Variants in ABCA9 observed in about 807,000 individuals in gnomAD.
The protein encoded by ABCA9 is ATP-binding cassette sub-family A member 9.
Under a neutral mutation model 205.3 loss-of-function variants are expected in ABCA9, and 183 were observed. That is an observed-to-expected ratio of 0.89 (90% CI 0.79 to 1.01). ABCA9 has a LOEUF of 1.01. ABCA9 is among the 50% of genes least tolerant of loss of function. ABCA9 has a pLI of 0.00. For synonymous variants in ABCA9, 651 were observed against 683.3 expected (o/e 0.95, Z 0.74); for missense variants, 1,805 against 1,912.4 (o/e 0.94, Z 1.05).
chr17:68,977,795 A>G (rs979563803), intron 37 of ABCA9, among the ~76,000 whole-genome samples: 4 of 152,188 alleles, frequency 2.6e-5, no homozygotes, highest in Admixed American at 6.5e-5. Flanking sequence ...ACATCTCCAC[A>G]TTTTGTACTT....
chr17:68,988,010 T>C (rs1245202455), intron 31 of ABCA9, among the ~76,000 whole-genome samples: 1 of 152,158 alleles, frequency 6.6e-6, no homozygotes, highest in Non-Finnish European at 1.5e-5. Context: ...GTGATCTGCC[T>C]GCCTCAGCCT....
At chr17:69,046,044 A>G (rs2071695214) in intron 3 of ABCA9, among the ~76,000 whole-genome samples, 1 of 152,210 alleles carries the variant, frequency 6.6e-6, no homozygotes. Context: ...ACTGGTATAA[A>G]TATTGATATT....
intron 20 of ABCA9, 176 bp from the exon 21 acceptor site, chr17:69,017,965 A>G (rs978579182): frequency 1.7e-6 from 1 of 597,886 alleles, no homozygotes; most frequent in African/African-American, 1.9e-5. Context: ...CATAGGTATG[A>G]CAAGGTTACT....
Position 68,986,281 on chromosome 17 carries a change from A to C in ABCA9, c.4091T>G (p.Leu1364Arg). The C allele has an allele frequency of 6.2e-7, 1 of 1,613,574 alleles. No individual in the cohort carries two copies. Among genetic ancestry groups the C allele is most frequent in the Non-Finnish European group, 8.5e-7 (1 of 1,179,748 alleles). Reference sequence around the variant, plus strand: ...CGCATTCTCCTGAGGGCAGTACCCCAGGAAGCCCAGGGGTTCCCCTCCACC... The same window carrying C: ...CGCATTCTCCTGAGGGCAGTACCCCCGGAAGCCCAGGGGTTCCCCTCCACC... Reference protein sequence around the residue: ...GSGGGEPLGFLGYCPQENALW... With the variant: ...GSGGGEPLGFRGYCPQENALW... The change falls in exon 32 of 39, where the codon CTG (leucine) becomes CGG (arginine). Residue 1364 changes from leucine to arginine, a missense_variant. Coordinates refer to ENST00000340001, the MANE Select transcript of ABCA9 (RefSeq NM_080283.4).
chr17:69,058,594 C>G lies in ABCA9; in HGVS notation c.-14+2272G>C, dbSNP rs147955249. On this transcript the variant is annotated intron_variant, in intron 1 of 38. Transcript: ENST00000340001. ...GTGGCTCATGCCTGTAATCCCAGCACTTTGGGAGGCTGAGGCAGGTGAATC... is the reference window on the plus strand; with the variant it reads ...GTGGCTCATGCCTGTAATCCCAGCAGTTTGGGAGGCTGAGGCAGGTGAATC... 2.2e-3 allele frequency among the ~76,000 whole-genome samples: 333 copies of G among 152,268 alleles called. 1 individual carries two copies. The highest frequency in any genetic ancestry group is 5.5e-3 in the Admixed American group (84 of 15,304).
intron 25 of ABCA9, among the ~76,000 whole-genome samples, chr17:69,003,456 T>G (rs1320871173): frequency 7.3e-6 from 1 of 136,826 alleles, no homozygotes; most frequent in East Asian, 2.0e-4. Context: ...CCCACTCTCT[T>G]CTGGCTTGTA....
rs751412193 is a variant in ABCA9 at position 69,027,126 on chromosome 17, G to GA, written c.1912-13dup. The GA allele has an allele frequency of 1.2e-6, 2 of 1,613,310 alleles. No homozygotes were observed. The highest frequency in any genetic ancestry group is 2.2e-5 in the South Asian group (2 of 90,946). On this transcript the variant is annotated splice_polypyrimidine_tract_variant and intron_variant, in intron 14 of 38. Coordinates refer to ENST00000340001, the MANE Select transcript of ABCA9 (RefSeq NM_080283.4). ...TCCAATAGCAAAACCTGGACAGGAG[G>GA]AAAGTCCTAAAGTAATTCCACCCTT...
chr17:69,021,745 A>T lies in ABCA9; in HGVS notation c.2398T>A (p.Ser800Thr). ...TCTCTTTCTTATTTTTTCTTACCTGATTCATCAATAGTTGATTTTCCTTCT... is the reference window on the plus strand; with the variant it reads ...TCTCTTTCTTATTTTTTCTTACCTGTTTCATCAATAGTTGATTTTCCTTCT... ...KLEGKSTIDE[S>T]DIGIWGQLQT... The change falls in exon 18 of 39, where the codon TCA becomes ACA. Residue 800 changes from serine to threonine, a missense_variant. Coordinates refer to ENST00000340001, the MANE Select transcript of ABCA9 (RefSeq NM_080283.4). 1 of 1,551,680 alleles carries T rather than the reference A, an allele frequency of 6.4e-7. No homozygotes were observed. Among genetic ancestry groups the T allele is most frequent in the South Asian group, 1.2e-5 (1 of 83,802 alleles).
intron 1 of ABCA9, among the ~76,000 whole-genome samples, chr17:69,056,041 C>G (rs1488717703): frequency 1.3e-5 from 2 of 152,026 alleles, no homozygotes; most frequent in East Asian, 3.8e-4. Context: ...TTTACAGCAT[C>G]CAATGCATAC....
At chr17:69,044,731 G>A in intron 4 of ABCA9, 131 bp from the exon 5 acceptor site, 1 of 701,728 alleles carries the variant, frequency 1.4e-6, no homozygotes, top group Non-Finnish European at 2.3e-6. Context: ...TCAGTTGAGA[G>A]TTGCAGAGCA....
chr17:69,073,228 C>T, the ABCA9 span, among the ~76,000 whole-genome samples: 3 of 152,178 alleles, frequency 2.0e-5, no homozygotes, highest in Admixed American at 6.6e-5. Context: ...AGGACGTGAA[C>T]TCAGCTCTGG....
intron 26 of ABCA9, among the ~76,000 whole-genome samples, chr17:68,995,206 C>T (rs1451742143): frequency 6.6e-6 from 1 of 152,190 alleles, no homozygotes; most frequent in Non-Finnish European, 1.5e-5. Context: ...TTATTGCCAT[C>T]TGGCACACAC....
Position 68,976,181 on chromosome 17 carries a change from C to G in ABCA9, c.4730G>C (p.Ser1577Thr). The G allele has an allele frequency of 6.2e-7, 1 of 1,613,914 alleles. No individual in the cohort carries two copies. The highest frequency in any genetic ancestry group is 1.3e-5 in the African/African-American group (1 of 75,010). ...GAGGCTGTACTCCTCCAGGTCGAAA[C>G]TCTGTTTAACTGCATAAGAATGAGC... ...AFFKLEIVKQ[S>T]FDLEEYSLSQ... The change falls in exon 38 of 39, where the codon AGT (serine) becomes ACT (threonine). Residue 1577 changes from serine (S) to threonine (T), a missense_variant. By Grantham distance (58) the Ser-to-Thr change is moderately conservative. Transcript: ENST00000340001.
chr17:68,982,646 G>T lies in ABCA9; in HGVS notation c.4641-5C>A. The T allele has an allele frequency of 1.9e-6, 3 of 1,612,760 alleles. No individual in the cohort carries two copies. The highest frequency in any genetic ancestry group is 1.7e-6 in the Non-Finnish European group (2 of 1,178,850). On this transcript the variant is annotated splice_region_variant and splice_polypyrimidine_tract_variant and intron_variant, in intron 36 of 38. Transcript: ENST00000340001. ...TAGACCATCAGGGAGGAGAACCTGC[G>T]AAGAGAAGACAGTGAGGCTGAACTC...
At chr17:69,038,191 G>A (rs949440565) in intron 6 of ABCA9, among the ~76,000 whole-genome samples, 6 of 152,144 alleles carry the variant, frequency 3.9e-5, no homozygotes, top group African/African-American at 1.2e-4. Context: ...AATAGAAAAA[G>A]AGGGACTCCT....
chr17:68,982,122 G>C (rs2143950286), intron 37 of ABCA9, among the ~76,000 whole-genome samples: 1 of 152,274 alleles, frequency 6.6e-6, no homozygotes, highest in South Asian at 2.1e-4. Flanking sequence ...ACAATACATA[G>C]AGGCAAAAAC....
intron 34 of ABCA9, among the ~76,000 whole-genome samples, chr17:68,984,560 G>A (rs2143968706): frequency 6.6e-6 from 1 of 152,224 alleles, no homozygotes; most frequent in Non-Finnish European, 1.5e-5. Context: ...GATTTGGAAT[G>A]TTTCTTTTTT....
intron 27 of ABCA9, among the ~76,000 whole-genome samples, 159 bp downstream of exon 27, chr17:68,992,857 G>A (rs1215145608): frequency 6.7e-6 from 1 of 150,262 alleles, no homozygotes; most frequent in Non-Finnish European, 1.5e-5. Flanking sequence ...GCCATCGTGT[G>A]TGTGTGTGTG....
In ABCA9 at chr17:68,975,829, C is replaced by A; in HGVS notation, c.*86G>T. On this transcript the variant is annotated 3_prime_UTR_variant, in exon 39 of 39. Coordinates refer to ENST00000340001, the MANE Select transcript of ABCA9 (RefSeq NM_080283.4). ...TGAGTTTCAAATGCATTTTGTACCA[C>A]CTCTGATATAAGGCATATTAAGGCT... is the stretch of plus-strand genomic sequence containing the variant. The A allele has an allele frequency of 3.0e-6, 3 of 1,008,020 alleles. No individual in the cohort carries two copies. The highest frequency in any genetic ancestry group is 4.5e-6 in the Non-Finnish European group (3 of 667,354). 62.4% of individuals were successfully genotyped at this position (1,008,020 alleles called of 1,614,324 possible).
Sources: gnomAD v4.1 joint callset for allele counts (sites outside exome capture counted in the v4.1 genomes callset) on GRCh38, gnomAD v4.1.1 for gene constraint, MANE v1.5 for transcripts, NCBI Gene and HGNC (gene_info 2026-07-23, HGNC 2026-07-21) for gene names.